FAM169A: variants seen among roughly 807,000 people sequenced by gnomAD.
FAM169A encodes family with sequence similarity 169 member A, also known as soluble lamin-associated protein of 75 kDa.
In FAM169A, 24 loss-of-function variants were observed where a neutral mutation model predicts 75.7. The ratio of observed to expected loss-of-function variants is 0.32; its 90% CI spans 0.23 to 0.45. The LOEUF (loss-of-function observed/expected upper bound fraction) is 0.45, where lower values mean the gene tolerates loss of function less well. Ranked by LOEUF, FAM169A falls within the 20% of genes least tolerant of loss-of-function variation. The pLI is 1.00. For missense variants in FAM169A, 673 were observed against 784.0 expected (o/e 0.86, Z 1.69); for synonymous variants, 271 against 271.0 (o/e 1.00, Z 0.00).
At chr5:74,799,124 A>T in intron 10 of FAM169A, 1 of 997,090 alleles carries the variant, frequency 1.0e-6, no homozygotes, top group Non-Finnish European at 1.6e-6. Flanking sequence ...CAGTGTGTGA[A>T]AGCTCACGAA....
intron 4 of FAM169A, among the ~76,000 whole-genome samples, chr5:74,836,126 C>T (rs1176190587): frequency 6.6e-6 from 1 of 152,204 alleles, no homozygotes; most frequent in Non-Finnish European, 1.5e-5. Context: ...GCTGCTGAGA[C>T]AATGGGGCTT....
At chr5:74,799,535 C>A in intron 10 of FAM169A, 2 of 1,545,312 alleles carry the variant, frequency 1.3e-6, no homozygotes, top group South Asian at 2.2e-5. Context: ...GAAAAGCTGG[C>A]CAGCATGCCC....
intron 6 of FAM169A, among the ~76,000 whole-genome samples, chr5:74,805,976 CAAAAAAAAAA>C (rs370761667): frequency 1.2e-5 from 1 of 85,244 alleles, no homozygotes; most frequent in Non-Finnish European, 2.5e-5. Context: ...TTAAAAGCTC[CAAAAAAAAAA>C]AAAAAAAGAA....
At chr5:74,859,287 CTTT>C (rs1020109342) in intron 1 of FAM169A, among the ~76,000 whole-genome samples, 5 of 129,056 alleles carry the variant, frequency 3.9e-5, no homozygotes, top group Middle Eastern at 3.8e-3. Context: ...AAGGTTTTCT[CTTT>C]TTTTTTTTTT....
At chr5:74,797,025 C>T (rs1034483686) in intron 10 of FAM169A, among the ~76,000 whole-genome samples, 3 of 152,196 alleles carry the variant, frequency 2.0e-5, no homozygotes. Flanking sequence ...CAGCTTCAGA[C>T]TTGTAGTACA....
intron 1 of FAM169A, among the ~76,000 whole-genome samples, chr5:74,851,658 G>C (rs1257717520): frequency 2.0e-5 from 3 of 152,176 alleles, no homozygotes; most frequent in Non-Finnish European, 4.4e-5. Context: ...CTGTAGTACA[G>C]TAAAGTAATA....
intron 10 of FAM169A, among the ~76,000 whole-genome samples, chr5:74,797,169 ATTTG>A (rs1258299709): frequency 6.6e-6 from 1 of 151,872 alleles, no homozygotes; most frequent in Non-Finnish European, 1.5e-5. Flanking sequence ...AGCCTAACAT[ATTTG>A]TTTGTGTTTG....
At chr5:74,812,365 G>A (rs1747242687) in intron 6 of FAM169A, among the ~76,000 whole-genome samples, 1 of 151,788 alleles carries the variant, frequency 6.6e-6, no homozygotes, top group South Asian at 2.1e-4. Flanking sequence ...GAGCTCAAGC[G>A]ATCCACCCAC....
chr5:74,854,920 G>C (rs1347800789), intron 1 of FAM169A, among the ~76,000 whole-genome samples: 1 of 152,128 alleles, frequency 6.6e-6, no homozygotes, highest in Non-Finnish European at 1.5e-5. Flanking sequence ...ATAAACACGG[G>C]AGTGCAGAAA....
intron 2 of FAM169A, 94 bp from the exon 3 acceptor site, chr5:74,840,267 C>A: frequency 2.0e-6 from 1 of 509,146 alleles, no homozygotes. Flanking sequence ...ATATTTCCTA[C>A]GTTAATTTTA....
chr5:74,849,945 G>T (rs972789913), intron 1 of FAM169A, among the ~76,000 whole-genome samples: 2 of 152,148 alleles, frequency 1.3e-5, no homozygotes, highest in Non-Finnish European at 2.9e-5. Flanking sequence ...GTATGGGTTA[G>T]GACGGCCTAT....
intron 11 of FAM169A, among the ~76,000 whole-genome samples, chr5:74,790,071 T>C (rs1215835617): frequency 2.0e-5 from 3 of 152,204 alleles, no homozygotes; most frequent in Admixed American, 6.5e-5. Flanking sequence ...TGAGCAGGTC[T>C]TGAAGACACA....
rs1745435909 is a variant in FAM169A at position 74,781,990 on chromosome 5, A to G, written c.1483T>C (p.Ser495Pro). The change falls in exon 13 of 13, where the codon TCA (serine) becomes CCA (proline). Residue 495 changes from serine to proline, a missense_variant. This residue lies in a region of FAM169A where 510 missense variants were observed against 550.9 expected (regional missense o/e 0.93). Transcript: ENST00000687041. ...GTGCCTTCATCCATCAACATTTCTG[A>G]GTCAGGTATACGTGGGGTCTGAAAA... is the stretch of plus-strand genomic sequence containing the variant. ...APDKTPRIPD[S>P]EMLMDEGTSD... is the part of the protein sequence containing the mutation. 1 of 1,612,412 alleles carries G rather than the reference A, an allele frequency of 6.2e-7. No homozygotes were observed. The highest frequency in any genetic ancestry group is 8.5e-7 in the Non-Finnish European group (1 of 1,178,652).
At chr5:74,810,086 A>G (rs1226866316) in intron 6 of FAM169A, among the ~76,000 whole-genome samples, 1 of 152,232 alleles carries the variant, frequency 6.6e-6, no homozygotes, top group African/African-American at 2.4e-5. Flanking sequence ...GTCTATCAAC[A>G]GGCAAATAAA....
Position 74,796,027 on chromosome 5 carries a change from T to C in FAM169A, c.1260+3A>G, listed in dbSNP as rs756382149. On this transcript the variant is annotated splice_donor_region_variant and intron_variant, in intron 11 of 12. Coordinates refer to ENST00000687041, the MANE Select transcript of FAM169A (RefSeq NM_001376049.1). Reference sequence around the variant, plus strand: ...TCATTTTGCTGAATAAGTGATCTCATACCTTTTCACCATCTTGCTTCTCTT... The same window carrying C: ...TCATTTTGCTGAATAAGTGATCTCACACCTTTTCACCATCTTGCTTCTCTT... 5 of 1,611,536 alleles carry C rather than the reference T, an allele frequency of 3.1e-6. No individual in the cohort carries two copies. The highest frequency in any genetic ancestry group is 8.5e-7 in the Non-Finnish European group (1 of 1,179,446).
intron 5 of FAM169A, among the ~76,000 whole-genome samples, chr5:74,824,624 T>A (rs902919822): frequency 6.6e-6 from 1 of 150,980 alleles, no homozygotes; most frequent in Non-Finnish European, 1.5e-5. Flanking sequence ...AAGTCATCCA[T>A]AACATTGTTT....
chr5:74,815,168 T>A (rs1013971353), intron 5 of FAM169A, among the ~76,000 whole-genome samples: 1 of 146,352 alleles, frequency 6.8e-6, no homozygotes, highest in African/African-American at 2.7e-5. Context: ...GGTAATATAC[T>A]TAGATATTTT....
At chr5:74,834,778 AC>A (rs2112651561) in intron 4 of FAM169A, among the ~76,000 whole-genome samples, 181 bp from the exon 5 acceptor site, 1 of 152,316 alleles carries the variant, frequency 6.6e-6, no homozygotes, top group African/African-American at 2.4e-5. Flanking sequence ...CACATAGATT[AC>A]AATCCATTTC....
intron 4 of FAM169A, among the ~76,000 whole-genome samples, chr5:74,835,041 C>T (rs12108923): frequency 0.024 from 3,585 of 148,740 alleles, 138 homozygotes; most frequent in African/African-American, 0.085. Context: ...ATCCCCTGAA[C>T]ACTTTAAGAA....
Sources: allele counts gnomAD v4.1 joint callset (sites outside exome capture counted in the v4.1 genomes callset), GRCh38; gene constraint gnomAD v4.1.1; regional missense constraint gnomAD v4.1.1; transcripts MANE v1.5; gene names NCBI Gene and HGNC (gene_info 2026-07-23, HGNC 2026-07-21).